PRKAA2: variants seen among roughly 807,000 people sequenced by gnomAD.
PRKAA2 encodes the protein protein kinase AMP-activated catalytic subunit alpha 2, also known as 5'-AMP-activated protein kinase catalytic subunit alpha-2.
A neutral mutation model predicts 56.3 loss-of-function variants in PRKAA2; 40 were observed. That is an observed-to-expected ratio of 0.71 (90% CI 0.55 to 0.92). The LOEUF is 0.92. PRKAA2 is among the 40% of genes least tolerant of loss of function. PRKAA2 has a pLI of 0.00. For missense variants in PRKAA2, 542 were observed against 686.9 expected, an observed-to-expected ratio of 0.79 and a Z score of 2.36; for synonymous variants, 214 against 234.2, an observed-to-expected ratio of 0.91 and a Z score of 0.79.
chr1:56,672,697 A>C (rs1644086405), intron 1 of PRKAA2, among the ~76,000 whole-genome samples: 1 of 152,162 alleles, frequency 6.6e-6, no homozygotes, highest in African/African-American at 2.4e-5. Flanking sequence ...TGTCTGATGA[A>C]ATAGAGGTTA....
chr1:56,667,306 A>G (rs1407951623), intron 1 of PRKAA2, among the ~76,000 whole-genome samples: 2 of 152,042 alleles, frequency 1.3e-5, no homozygotes, highest in Non-Finnish European at 2.9e-5. Context: ...TCTGGCCTTC[A>G]GACTGTTTAG....
chr1:56,657,504 C>T (rs780920592), intron 1 of PRKAA2, among the ~76,000 whole-genome samples: 6 of 152,122 alleles, frequency 3.9e-5, no homozygotes, highest in East Asian at 1.9e-4. Flanking sequence ...GGTGAAACCC[C>T]ATCTTTACTG....
chr1:56,653,608 A>C (rs1643918127), intron 1 of PRKAA2, among the ~76,000 whole-genome samples: 1 of 152,144 alleles, frequency 6.6e-6, no homozygotes, highest in Admixed American at 6.5e-5. Flanking sequence ...TAGATGAAAA[A>C]GCACTCAGAA....
rs1050299485 is a variant in PRKAA2, at chr1:56,714,963, C to T, written c.*7250C>T. ...ATTGACCCATTGAAGTACTTCATTACGTATTTATTGAAAATTTTTTTTAAT... is the reference window on the plus strand; with the variant it reads ...ATTGACCCATTGAAGTACTTCATTATGTATTTATTGAAAATTTTTTTTAAT... On this transcript the variant is annotated 3_prime_UTR_variant, in exon 9 of 9. Transcript: ENST00000371244. The T allele has an allele frequency of 6.6e-5, 10 of 151,678 alleles. No individual in the cohort carries two copies. The South Asian group carries it at 1.0e-3, about 16-fold the overall frequency. The allele number at this position is 151,678 out of a possible 1,614,324, so 9.4% of individuals were successfully genotyped here.
At chr1:56,654,897 G>T in intron 1 of PRKAA2, among the ~76,000 whole-genome samples, 1 of 152,004 alleles carries the variant, frequency 6.6e-6, no homozygotes, top group South Asian at 2.1e-4. Context: ...TCTGCCATTA[G>T]ATCTTTTTAA....
At position 56,708,040 on chromosome 1, in the gene PRKAA2, T is replaced by C; in HGVS notation, c.*327T>C. 3.4e-6 allele frequency: 1 copy of C among 291,776 alleles called. No homozygotes were observed. The highest frequency in any genetic ancestry group is 6.4e-6 in the Non-Finnish European group (1 of 155,514). The allele number at this position is 291,776 out of a possible 1,614,324, so 18.1% of individuals were successfully genotyped here. ...CTGGCGAACCATCTCAATGTAAGGG[T>C]GGTTTGGCAACACCTCCTTGCTTTG... On this transcript the variant is annotated 3_prime_UTR_variant, in exon 9 of 9. Coordinates refer to ENST00000371244, the MANE Select transcript of PRKAA2 (RefSeq NM_006252.4).
rs745675639 is a variant in PRKAA2, at chr1:56,645,460, G to A, written c.73G>A (p.Gly25Ser). 2 of 1,500,034 alleles carry A rather than the reference G, an allele frequency of 1.3e-6. No individual in the cohort carries two copies. Among genetic ancestry groups the A allele is most frequent in the East Asian group, 2.9e-5 (1 of 34,828 alleles). 92.9% of individuals were successfully genotyped at this position (1,500,034 alleles called of 1,614,324 possible). Residue 25 changes from glycine to serine, a missense_variant, in exon 1 of 9, where the codon GGC becomes AGC. Transcript: ENST00000371244. ...HYVLGDTLGV[G>S]TFGKVKIGEH... ...CGTGCTGGGCGACACGCTGGGCGTC[G>A]GCACCTTCGGCAAAGTGAAGAGTTG...
At position 56,704,486 on chromosome 1, in the gene PRKAA2, A is replaced by G; in HGVS notation, c.1293+11A>G. On this transcript the variant is annotated intron_variant, in intron 7 of 8. Coordinates refer to ENST00000371244, the MANE Select transcript of PRKAA2 (RefSeq NM_006252.4). The stretch of plus-strand genomic sequence containing the variant: ...GATTTTGAATGGAAGGTAGGAAATT[A>G]TAATGTAATAAGATCATTTGTAGAA... 1 of 1,573,412 alleles carries G rather than the reference A, an allele frequency of 6.4e-7. No individual in the cohort carries two copies. Among genetic ancestry groups the G allele is most frequent in the Non-Finnish European group, 8.6e-7 (1 of 1,166,336 alleles).
chr1:56,704,567 A>G (rs1569797226), intron 7 of PRKAA2, 92 bp downstream of exon 7: 6 of 1,404,046 alleles, frequency 4.3e-6, no homozygotes, highest in African/African-American at 1.4e-5. Flanking sequence ...ATTAAGCCCA[A>G]CTTTTTCTAG....
chr1:56,663,194 T>C (rs1431103470), intron 1 of PRKAA2, among the ~76,000 whole-genome samples: 1 of 152,228 alleles, frequency 6.6e-6, no homozygotes, highest in Non-Finnish European at 1.5e-5. Context: ...CAAGTGATCC[T>C]CTTGTTTCAG....
intron 1 of PRKAA2, among the ~76,000 whole-genome samples, chr1:56,646,668 A>G (rs765981330): frequency 8.5e-5 from 13 of 152,196 alleles, no homozygotes; most frequent in Non-Finnish European, 1.8e-4. Context: ...TGCTGAAGAA[A>G]TGCTGGGTAG....
Position 56,690,186 on chromosome 1 carries a change from C to T in PRKAA2, c.237-1208C>T, listed in dbSNP as rs185247605. Among the ~76,000 whole-genome samples the T allele has an allele frequency of 1.9e-3, 279 of 143,488 alleles. 1 individual carries two copies. The highest frequency in any genetic ancestry group is 7.0e-3 in the African/African-American group (271 of 38,468). 94.1% of individuals were successfully genotyped at this position (143,488 alleles called of 152,430 possible). A position where few individuals can be genotyped will look rare whatever the true frequency, so the allele number is the denominator to read the frequency against. On this transcript the variant is annotated intron_variant, in intron 2 of 8. Transcript: ENST00000371244. ...CATCTTTTTTTTTTTTTTTTTGAAG[C>T]GGAGTCTCGCTCTGTTGCCCATGCT... is the stretch of plus-strand genomic sequence containing the variant.
intron 2 of PRKAA2, among the ~76,000 whole-genome samples, chr1:56,684,943 T>C (rs1226611544): frequency 1.3e-5 from 2 of 152,098 alleles, no homozygotes; most frequent in Non-Finnish European, 2.9e-5. Flanking sequence ...AAGGAATTGA[T>C]ACAAAAGAAA....
At chr1:56,650,345 A>T (rs192783808) in intron 1 of PRKAA2, among the ~76,000 whole-genome samples, 3 of 152,326 alleles carry the variant, frequency 2.0e-5, no homozygotes, top group African/African-American at 7.2e-5. Flanking sequence ...GAAACAGATT[A>T]TATGGGCTGA....
chr1:56,715,075 G>A lies in PRKAA2; in HGVS notation c.*7362G>A, dbSNP rs1441014780. On this transcript the variant is annotated 3_prime_UTR_variant, in exon 9 of 9. Coordinates refer to ENST00000371244, the MANE Select transcript of PRKAA2 (RefSeq NM_006252.4). ...GTGCTTTTCTGTTCAAATAAACTCCGATTCAAATTTCAGTTTTGTTTGTTA... is the reference window on the plus strand; with the variant it reads ...GTGCTTTTCTGTTCAAATAAACTCCAATTCAAATTTCAGTTTTGTTTGTTA... 3 of 151,878 alleles carry A rather than the reference G, an allele frequency of 2.0e-5. No individual in the cohort carries two copies. Among genetic ancestry groups the A allele is most frequent in the Admixed American group, 1.3e-4 (2 of 15,204 alleles). The allele number at this position is 151,878 out of a possible 1,614,324, so 9.4% of individuals were successfully genotyped here.
intron 1 of PRKAA2, among the ~76,000 whole-genome samples, chr1:56,664,301 T>G (rs143833256): frequency 2.2e-3 from 330 of 152,310 alleles, no homozygotes; most frequent in Non-Finnish European, 3.1e-3. Flanking sequence ...ATAGGGACTC[T>G]TTTTAAACTG....
At chr1:56,707,351 C>T in intron 8 of PRKAA2, 124 bp from the exon 9 acceptor site, 1 of 738,856 alleles carries the variant, frequency 1.4e-6, no homozygotes, top group Non-Finnish European at 2.3e-6. Context: ...AGAAACATGA[C>T]ATTCATTATT....
At position 56,696,045 on chromosome 1, in the gene PRKAA2, A is replaced by G; in HGVS notation, c.674A>G (p.Lys225Arg). The change falls in exon 6 of 9, where the codon AAG (lysine) becomes AGG (arginine). Residue 225 changes from lysine to arginine, a missense_variant. This residue lies in a region of PRKAA2 where 198 missense variants were observed against 234.0 expected (regional missense o/e 0.85). Coordinates refer to ENST00000371244, the MANE Select transcript of PRKAA2 (RefSeq NM_006252.4). ...DDEHVPTLFK[K>R]IRGGVFYIPE... ...GAGCATGTACCTACGTTATTTAAGA[A>G]GATCCGAGGGGGTGTCTTTTATATC... The G allele has an allele frequency of 1.9e-6, 3 of 1,612,788 alleles. No homozygotes were observed. The highest frequency in any genetic ancestry group is 2.5e-6 in the Non-Finnish European group (3 of 1,179,796).
chr1:56,703,464 G>A (rs550927691), intron 6 of PRKAA2, among the ~76,000 whole-genome samples: 2 of 152,208 alleles, frequency 1.3e-5, no homozygotes, highest in African/African-American at 4.8e-5. Flanking sequence ...TTTTGTATTA[G>A]CTGAAGTGTG....
Sources: gnomAD v4.1 joint callset for allele counts (sites outside exome capture counted in the v4.1 genomes callset) on GRCh38, gnomAD v4.1.1 for gene constraint, gnomAD v4.1.1 regional missense constraint, MANE v1.5 for transcripts, NCBI Gene and HGNC (gene_info 2026-07-23, HGNC 2026-07-21) for gene names.